The following GPM6B variants were observed in gnomAD, a reference collection of about 807,000 sequenced individuals.
GPM6B encodes the protein neuronal membrane glycoprotein M6-b.
A neutral mutation model predicts 27.2 loss-of-function variants in GPM6B; 4 were observed. The observed-to-expected ratio is 0.15, with a 90% confidence interval of 0.07 to 0.34. The LOEUF (loss-of-function observed/expected upper bound fraction) is 0.34. Among genes scored for constraint, GPM6B ranks in the 10% least tolerant of loss-of-function variants. The pLI is 1.00. For synonymous variants in GPM6B, 124 were observed against 103.1 expected, an observed-to-expected ratio of 1.20 and a Z score of -1.23; for missense variants, 183 against 261.9, an observed-to-expected ratio of 0.70 and a Z score of 2.08.
intron 1 of GPM6B, among the ~76,000 whole-genome samples, chrX:13,871,449 C>T (rs1404681213): frequency 8.9e-6 from 1 of 111,987 alleles, no homozygotes; most frequent in Non-Finnish European, 1.9e-5. Flanking sequence ...CATTTTTAAA[C>T]CTTCCCCCGT....
At chrX:13,840,705 T>C (rs1048648160) in intron 1 of GPM6B, among the ~76,000 whole-genome samples, 7 of 111,347 alleles carry the variant, frequency 6.3e-5, no homozygotes, top group Admixed American at 9.5e-5. Context: ...ACATTACCCT[T>C]TATAATAGAT....
chrX:13,842,281 T>A (rs2049586676), intron 1 of GPM6B, among the ~76,000 whole-genome samples: 1 of 112,253 alleles, frequency 8.9e-6, no homozygotes, highest in South Asian at 3.7e-4. Flanking sequence ...AAGTGTAATT[T>A]TCCTATCATA....
chrX:13,907,569 G>C (rs1279751496), intron 1 of GPM6B, among the ~76,000 whole-genome samples: 1 of 111,026 alleles, frequency 9.0e-6, no homozygotes, highest in African/African-American at 3.3e-5. Context: ...TGTAATCCCA[G>C]TGAGGCAGGA....
At chrX:13,929,620 G>A (rs1921384478) in intron 1 of GPM6B, among the ~76,000 whole-genome samples, 1 of 111,558 alleles carries the variant, frequency 9.0e-6, no homozygotes, top group Non-Finnish European at 1.9e-5. Context: ...TTAAGTAGTG[G>A]TAATCAATAT....
intron 1 of GPM6B, among the ~76,000 whole-genome samples, chrX:13,851,804 C>G (rs1394794422): frequency 9.0e-6 from 1 of 111,240 alleles, no homozygotes. Flanking sequence ...GTCTCAGAGG[C>G]ACCACACTTT....
At chrX:13,819,981 G>A (rs72614519), upstream of GPM6B, among the ~76,000 whole-genome samples, 2,446 of 111,761 alleles carry the variant, frequency 0.022, 32 homozygotes, top group East Asian at 0.088. Flanking sequence ...AGAGGGTACT[G>A]TCAAAGGGTC....
chrX:13,813,489 T>C lies in GPM6B; in HGVS notation c.61+3355A>G, dbSNP rs6633368. Among the ~76,000 whole-genome samples the C allele has an allele frequency of 6.7e-3, 746 of 112,035 alleles. 18 individuals are homozygous for C. In the East Asian group the frequency reaches 0.085, roughly 13 times the overall value. On this transcript the variant is annotated intron_variant, in intron 1 of 7. Transcript: ENST00000316715. ...TGTAATTTATTTCAGCAACGATTCA[T>C]AGGAAGTTAACTAACCTGACTATAA...
chrX:13,798,838 T>C (rs762087409), intron 2 of GPM6B, among the ~76,000 whole-genome samples: 1 of 111,874 alleles, frequency 8.9e-6, no homozygotes, highest in South Asian at 3.7e-4. Context: ...CACTGTAGGA[T>C]GTTTAGCAGC....
intron 6 of GPM6B, 39 bp from the exon 7 acceptor site, chrX:13,776,342 TA>T: frequency 2.8e-6 from 3 of 1,057,986 alleles, no homozygotes; most frequent in Non-Finnish European, 3.9e-6. Context: ...CATTTGATGT[TA>T]AATGAAATGG....
intron 1 of GPM6B, among the ~76,000 whole-genome samples, chrX:13,877,125 C>T (rs765783690): frequency 3.0e-4 from 34 of 111,544 alleles, no homozygotes; most frequent in Admixed American, 2.0e-3. Flanking sequence ...CTGGGAAACG[C>T]GTAACAGCTA....
chrX:13,837,672 T>C (rs1220494782), intron 1 of GPM6B, among the ~76,000 whole-genome samples: 1 of 77,150 alleles, frequency 1.3e-5, no homozygotes, highest in African/African-American at 4.8e-5. Flanking sequence ...CTCCACACAA[T>C]AGAGGCTTTT....
chrX:13,931,184 A>G (rs1182261512), intron 1 of GPM6B, among the ~76,000 whole-genome samples: 1 of 77,544 alleles, frequency 1.3e-5, no homozygotes, highest in Non-Finnish European at 2.8e-5. Flanking sequence ...ACTGTCTCAA[A>G]AAAACAAAAA....
At chrX:13,774,395 T>C in intron 7 of GPM6B, 1 of 1,069,768 alleles carries the variant, frequency 9.3e-7, no homozygotes. Flanking sequence ...CAGTAAGTCA[T>C]CTTATTAATC....
At chrX:13,799,516 A>G (rs1478722986) in intron 2 of GPM6B, among the ~76,000 whole-genome samples, 1 of 109,841 alleles carries the variant, frequency 9.1e-6, no homozygotes, top group Admixed American at 9.8e-5. Flanking sequence ...GCTCCTATGC[A>G]ACTCTCAGAG....
At chrX:13,792,868 C>G (rs1018965071) in intron 2 of GPM6B, among the ~76,000 whole-genome samples, 1 of 104,530 alleles carries the variant, frequency 9.6e-6, no homozygotes, top group Non-Finnish European at 2.0e-5. Flanking sequence ...CCACTGCACT[C>G]CAGCCTGGCG....
At chrX:13,833,978 C>T (rs2049469818) in intron 1 of GPM6B, among the ~76,000 whole-genome samples, 2 of 112,740 alleles carry the variant, frequency 1.8e-5, no homozygotes, top group African/African-American at 3.2e-5. Flanking sequence ...TTTTACCACA[C>T]AGACATTTAA....
intron 1 of GPM6B, among the ~76,000 whole-genome samples, chrX:13,900,485 C>T (rs774913987): frequency 4.5e-5 from 5 of 110,317 alleles, no homozygotes; most frequent in African/African-American, 1.3e-4. Flanking sequence ...TCTTAACACG[C>T]GGGGTAAACT....
At chrX:13,919,478 G>A (rs1330617243) in intron 1 of GPM6B, among the ~76,000 whole-genome samples, 1 of 111,973 alleles carries the variant, frequency 8.9e-6, no homozygotes, top group Admixed American at 9.5e-5. Context: ...TGTTAAAGAT[G>A]CACCAACTGA....
At chrX:13,832,290 T>C (rs2049448348) in intron 1 of GPM6B, among the ~76,000 whole-genome samples, 1 of 111,989 alleles carries the variant, frequency 8.9e-6, no homozygotes, top group Non-Finnish European at 1.9e-5. Flanking sequence ...GATTCTGAGA[T>C]ACACCAAAGA....
Sources: gnomAD v4.1 joint callset for allele counts (sites outside exome capture counted in the v4.1 genomes callset) on GRCh38, gnomAD v4.1.1 for gene constraint, MANE v1.5 for transcripts, NCBI Gene and HGNC (gene_info 2026-07-23, HGNC 2026-07-21) for gene names.